The following DSCAM variants were observed in gnomAD, a reference collection of about 807,000 sequenced individuals.
The protein encoded by DSCAM is DS cell adhesion molecule.
Under a neutral mutation model 217.7 loss-of-function variants are expected in DSCAM, and 47 were observed. The observed-to-expected ratio is 0.22, with a 90% CI of 0.17 to 0.28. The LOEUF (loss-of-function observed/expected upper bound fraction) is 0.28, where lower values mean the gene tolerates loss of function less well. Ranked by LOEUF, DSCAM falls within the 10% of genes least tolerant of loss-of-function variation. DSCAM has a pLI of 1.00. For missense variants in DSCAM, 2,080 were observed against 2,618.3 expected, an observed-to-expected ratio of 0.79 and a Z score of 4.49; for synonymous variants, 1,056 against 1,015.3, an observed-to-expected ratio of 1.04 and a Z score of -0.76.
At chr21:40,075,368 T>G (rs924163529) in intron 26 of DSCAM, among the ~76,000 whole-genome samples, 155 bp from the exon 27 acceptor site, 4 of 152,168 alleles carry the variant, frequency 2.6e-5, no homozygotes, top group African/African-American at 9.7e-5. Context: ...CTGGCTAACT[T>G]TTTTTCTTAT....
At chr21:40,228,928 C>T (rs2091357376) in intron 11 of DSCAM, among the ~76,000 whole-genome samples, 1 of 152,064 alleles carries the variant, frequency 6.6e-6, no homozygotes, top group Admixed American at 6.6e-5. Flanking sequence ...ATGAATATTC[C>T]TGTATGTATC....
At chr21:40,220,510 T>C (rs528525322) in intron 11 of DSCAM, among the ~76,000 whole-genome samples, 56 of 152,344 alleles carry the variant, frequency 3.7e-4, no homozygotes, top group African/African-American at 1.3e-3. Context: ...ATAAATTAGC[T>C]TATCCCACTT....
chr21:40,281,355 T>C (rs888603644), intron 10 of DSCAM, among the ~76,000 whole-genome samples: 1 of 152,212 alleles, frequency 6.6e-6, no homozygotes, highest in African/African-American at 2.4e-5. Flanking sequence ...TCTTTTTAAT[T>C]ATTTAATAAT....
rs547089501 is a variant in DSCAM at position 40,012,110 on chromosome 21, G to C, written c.*924C>G. On this transcript the variant is annotated 3_prime_UTR_variant, in exon 33 of 33. Transcript: ENST00000400454. The stretch of plus-strand genomic sequence containing the variant: ...GCAGGAGGCTGGATTTGGCCCATAG[G>C]CCACAGTCAGTTGAACTCTGGCCAT... The C allele has an allele frequency of 2.9e-4, 44 of 152,330 alleles. No individual in the cohort carries two copies. Among genetic ancestry groups the C allele is most frequent in the African/African-American group, 1.1e-3 (44 of 41,568 alleles). The allele number at this position is 152,330 out of a possible 1,614,324, so 9.4% of individuals were successfully genotyped here.
At chr21:40,036,308 A>T (rs373273037) in intron 32 of DSCAM, among the ~76,000 whole-genome samples, 54 of 136,168 alleles carry the variant, frequency 4.0e-4, no homozygotes, top group South Asian at 1.3e-3. Context: ...AATCAAATAG[A>T]TGCAATAAAA....
intron 1 of DSCAM, among the ~76,000 whole-genome samples, chr21:40,832,977 C>A (rs1229995164): frequency 6.6e-6 from 1 of 152,154 alleles, no homozygotes; most frequent in Non-Finnish European, 1.5e-5. Context: ...AAGAGCAAAC[C>A]TAAACTGTGT....
intron 3 of DSCAM, among the ~76,000 whole-genome samples, chr21:40,527,149 G>A (rs554157986): frequency 6.6e-6 from 1 of 152,200 alleles, no homozygotes; most frequent in South Asian, 2.1e-4. Flanking sequence ...TGGACATACA[G>A]GTGAAGCTCT....
At chr21:40,548,658 T>G (rs2076604566) in intron 3 of DSCAM, among the ~76,000 whole-genome samples, 1 of 152,188 alleles carries the variant, frequency 6.6e-6, no homozygotes, top group South Asian at 2.1e-4. Context: ...CCTCTTACTT[T>G]CCTTCTCAAT....
At chr21:40,673,697 C>T (rs1489312731) in intron 3 of DSCAM, among the ~76,000 whole-genome samples, 1 of 152,120 alleles carries the variant, frequency 6.6e-6, no homozygotes, top group African/African-American at 2.4e-5. Flanking sequence ...CAATATTTTT[C>T]AGATGGTAAG....
chr21:40,426,382 G>A (rs1489143396), intron 3 of DSCAM, among the ~76,000 whole-genome samples: 1 of 152,182 alleles, frequency 6.6e-6, no homozygotes, highest in African/African-American at 2.4e-5. Context: ...GTAATTTGGC[G>A]AGGTGGTCTA....
chr21:40,540,364 A>T (rs1223422224), intron 3 of DSCAM, among the ~76,000 whole-genome samples: 1 of 152,142 alleles, frequency 6.6e-6, no homozygotes, highest in African/African-American at 2.4e-5. Flanking sequence ...CTCCGCTCCC[A>T]CAGGACTCAG....
chr21:40,609,329 C>T lies in DSCAM; in HGVS notation c.508+83481G>A, dbSNP rs140394279. ...GGTTTAGAAAGAGTGAAACTATGCACATCATATGAAATTTTCAATGCCAGA... is the reference window on the plus strand; with the variant it reads ...GGTTTAGAAAGAGTGAAACTATGCATATCATATGAAATTTTCAATGCCAGA... On this transcript the variant is annotated intron_variant, in intron 3 of 32. Coordinates refer to ENST00000400454, the MANE Select transcript of DSCAM (RefSeq NM_001389.5). 1.3e-3 allele frequency among the ~76,000 whole-genome samples: 193 copies of T among 152,270 alleles called. 2 individuals carry two copies. Among genetic ancestry groups the T allele is most frequent in the African/African-American group, 4.3e-3 (177 of 41,534 alleles).
chr21:40,020,180 G>C (rs373891399), intron 32 of DSCAM, among the ~76,000 whole-genome samples: 384 of 152,222 alleles, frequency 2.5e-3, no homozygotes, highest in African/African-American at 8.6e-3. Context: ...CTTTATAAGG[G>C]GTTGCCCCAT....
At chr21:40,519,588 T>C (rs2076342347) in intron 3 of DSCAM, among the ~76,000 whole-genome samples, 1 of 152,186 alleles carries the variant, frequency 6.6e-6, no homozygotes, top group Non-Finnish European at 1.5e-5. Context: ...GCCTTATTCT[T>C]GGATTTTTCA....
intron 3 of DSCAM, among the ~76,000 whole-genome samples, chr21:40,537,507 T>G (rs2076508758): frequency 6.6e-6 from 1 of 151,672 alleles, no homozygotes; most frequent in African/African-American, 2.4e-5. Context: ...ACCAAAAAAC[T>G]CACATGCTTA....
At chr21:40,095,537 G>T (rs930081068) in intron 20 of DSCAM, among the ~76,000 whole-genome samples, 15 of 152,182 alleles carry the variant, frequency 9.9e-5, no homozygotes, top group African/African-American at 3.6e-4. Context: ...CAGGGGCAGG[G>T]TAGGGGAAGG....
rs200156295 is a variant in DSCAM at position 40,731,891 on chromosome 21, A to AT, written c.44-23121_44-23120insA. Reference sequence around the variant, plus strand: ...TTACAGGTGTGCACCACATCTGGCTAATTTTTTGTATTTTTAGTAGAGACA... The same window carrying AT: ...TTACAGGTGTGCACCACATCTGGCTATATTTTTTGTATTTTTAGTAGAGACA... On this transcript the variant is annotated intron_variant, in intron 1 of 32. Transcript: ENST00000400454. Among the ~76,000 whole-genome samples the AT allele has an allele frequency of 1.2e-3, 190 of 152,078 alleles. 3 individuals carry two copies. In the East Asian group the frequency reaches 0.027, roughly 22 times the overall value.
Position 40,810,679 on chromosome 21 carries a change from T to C in DSCAM, c.43+35940A>G, listed in dbSNP as rs150400722. ...TACCCAAGAGGCTAAGGCAGGAAGA[T>C]TGCTTGAGCCTGAGAGCTCAAGACC... On this transcript the variant is annotated intron_variant, in intron 1 of 32. Coordinates refer to ENST00000400454, the MANE Select transcript of DSCAM (RefSeq NM_001389.5). 3.9e-4 allele frequency among the ~76,000 whole-genome samples: 59 copies of C among 152,270 alleles called. No homozygotes were observed. The East Asian group carries it at 0.011, about 30-fold the overall frequency.
intron 11 of DSCAM, among the ~76,000 whole-genome samples, chr21:40,259,200 A>G (rs2146974543): frequency 6.6e-6 from 1 of 152,206 alleles, no homozygotes; most frequent in South Asian, 2.1e-4. Context: ...AAAAATGAAG[A>G]GCCTGGCCAT....
Sources: allele counts gnomAD v4.1 joint callset (sites outside exome capture counted in the v4.1 genomes callset), GRCh38; gene constraint gnomAD v4.1.1; transcripts MANE v1.5; gene names NCBI Gene and HGNC (gene_info 2026-07-23, HGNC 2026-07-21).